The following TAF1 variants were observed in gnomAD, a reference collection of about 807,000 sequenced individuals.
TAF1 encodes TATA-box binding protein associated factor 1.
In TAF1, 2 loss-of-function variants were observed where a neutral mutation model predicts 138.5. The observed-to-expected ratio is 0.01, with a 90% CI of 0.01 to 0.05. The LOEUF is 0.05. TAF1 is among the 10% of genes least tolerant of loss of function. The pLI is 1.00. For synonymous variants in TAF1, 437 were observed against 503.2 expected, an observed-to-expected ratio of 0.87 and a Z score of 1.76; for missense variants, 709 against 1,478.0, an observed-to-expected ratio of 0.48 and a Z score of 8.53.
chrX:71,386,760 C>T (rs913718484), intron 14 of TAF1, among the ~76,000 whole-genome samples: 5 of 112,945 alleles, frequency 4.4e-5, no homozygotes, highest in South Asian at 7.1e-4. Flanking sequence ...TCACTGTGCC[C>T]GGCGTTGTTT....
At chrX:71,368,990 A>G (rs1157109183) in intron 3 of TAF1, 1 of 104,975 alleles carries the variant, frequency 9.5e-6, no homozygotes, top group Non-Finnish European at 2.0e-5. Context: ...AGCTGGGACT[A>G]CAGGGGCCCG....
chrX:71,436,002 C>CAGTCTAA (rs1387281373), intron 32 of TAF1, among the ~76,000 whole-genome samples: 3 of 103,079 alleles, frequency 2.9e-5, no homozygotes, highest in Non-Finnish European at 5.9e-5. Flanking sequence ...ATTTATGGAA[C>CAGTCTAA]AGTCTAACCT....
At chrX:71,432,024 C>A (rs1411973352) in intron 32 of TAF1, among the ~76,000 whole-genome samples, 1 of 110,710 alleles carries the variant, frequency 9.0e-6, no homozygotes, top group Non-Finnish European at 1.9e-5. Context: ...GGGAAAATTA[C>A]CAACAGGTCA....
At chrX:71,383,895 G>T (rs914729842) in intron 12 of TAF1, 67 bp from the exon 13 acceptor site, 1 of 1,091,688 alleles carries the variant, frequency 9.2e-7, no homozygotes, top group Non-Finnish European at 1.2e-6. Context: ...GTCTCAGATT[G>T]AACAACGTCA....
chrX:71,378,548 A>G, intron 7 of TAF1, 95 bp downstream of exon 7: 2 of 1,046,150 alleles, frequency 1.9e-6, no homozygotes, highest in Non-Finnish European at 2.6e-6. Context: ...ACTGGGTGGT[A>G]GGGTTTCTTT....
At chrX:71,397,028 CAAAAAAAAAA>C (rs745812030) in intron 22 of TAF1, among the ~76,000 whole-genome samples, 2 of 30,177 alleles carry the variant, frequency 6.6e-5, no homozygotes, top group Non-Finnish European at 1.3e-4. Context: ...GATCCTGTCT[CAAAAAAAAAA>C]AAAAAAAAAA....
intron 4 of TAF1, 37 bp from the exon 5 acceptor site, chrX:71,376,913 A>G: frequency 2.5e-6 from 3 of 1,204,139 alleles, no homozygotes; most frequent in Non-Finnish European, 3.4e-6. Context: ...ATATGTTCAC[A>G]GTTACATGCC....
rs768889408 is a variant in TAF1, at chrX:71,424,587, G to A, written c.4753+349G>A. 7.2e-5 allele frequency among the ~76,000 whole-genome samples: 8 copies of A among 110,700 alleles called. No homozygotes were observed. The South Asian group carries it at 1.1e-3, about 16-fold the overall frequency. ...TATGTGCGTAAAGCAACCTTGAGCA[G>A]TGATAGCAGAATCAATTGAGTGACC... is the stretch of plus-strand genomic sequence containing the variant. On this transcript the variant is annotated intron_variant, in intron 32 of 37. Coordinates refer to ENST00000423759, the MANE Select transcript of TAF1 (RefSeq NM_004606.5).
chrX:71,462,924 C>T lies in TAF1; in HGVS notation c.5400-900C>T, dbSNP rs187787215. Among the ~76,000 whole-genome samples the T allele has an allele frequency of 4.2e-3, 468 of 112,011 alleles. 2 individuals are homozygous for T. The highest frequency in any genetic ancestry group is 0.015 in the African/African-American group (449 of 30,904). ...AGGATGTTTTATGACAGCATTGTTT[C>T]TAATAGTGGAATAATTGGAGACAGC... On this transcript the variant is annotated intron_variant, in intron 37 of 37. Transcript: ENST00000423759.
chrX:71,452,070 T>C (rs1429703652), intron 32 of TAF1, among the ~76,000 whole-genome samples: 1 of 101,552 alleles, frequency 9.8e-6, no homozygotes, highest in East Asian at 3.3e-4. Flanking sequence ...GAGGCACCCC[T>C]CACCTCCCGG....
intron 18 of TAF1, 49 bp downstream of exon 18, chrX:71,389,714 C>G (rs2034448683): frequency 1.0e-5 from 10 of 990,704 alleles, no homozygotes; most frequent in Middle Eastern, 2.7e-4. Context: ...TCTCATTTAT[C>G]CTTTTAAAAG....
intron 18 of TAF1, 91 bp from the exon 19 acceptor site, chrX:71,392,478 A>G (rs1165079313): frequency 1.1e-5 from 11 of 1,019,456 alleles, no homozygotes; most frequent in Admixed American, 4.0e-5. Context: ...AGAACATGAA[A>G]ATAGTTTGTA....
In TAF1 at chrX:71,526,113, C is replaced by T. The variant is rs184824112; in HGVS notation, c.1367-2429C>T. Among the ~76,000 whole-genome samples the T allele has an allele frequency of 5.8e-3, 649 of 111,380 alleles. 6 individuals carry two copies. Among genetic ancestry groups the T allele is most frequent in the African/African-American group, 0.021 (631 of 30,763 alleles). On this transcript the variant is annotated intron_variant and NMD_transcript_variant, in intron 13 of 14. Transcript: ENST00000373775. The stretch of plus-strand genomic sequence containing the variant: ...GACTACATTAAAGAAAAATATAAAT[C>T]CATCTTCAATGCTTTTTCTTTTTTA...
intron 3 of TAF1, among the ~76,000 whole-genome samples, chrX:71,371,179 G>A (rs2148164367): frequency 8.9e-6 from 1 of 111,842 alleles, no homozygotes; most frequent in South Asian, 3.7e-4. Flanking sequence ...TCCTATAAAA[G>A]GAGGATGCTA....
chrX:71,515,794 A>G (rs2039813448), intron 13 of TAF1, among the ~76,000 whole-genome samples: 1 of 111,654 alleles, frequency 9.0e-6, no homozygotes, highest in African/African-American at 3.3e-5. Context: ...ACTTAGTCAA[A>G]CATGAATCTA....
rs139547801 is a variant in TAF1 at position 71,417,624 on chromosome X, A to G, written c.4385-3685A>G. ...AGCGATCTGTCCACCTCAGCATCCC[A>G]AAGTGCTGGGATTACAGGCGTGAGC... On this transcript the variant is annotated intron_variant, in intron 28 of 37. Transcript: ENST00000423759. 7.6e-3 allele frequency among the ~76,000 whole-genome samples: 843 copies of G among 111,192 alleles called. 8 individuals are homozygous for G. Among genetic ancestry groups the G allele is most frequent in the African/African-American group, 0.026 (805 of 30,576 alleles).
chrX:71,384,968 A>G lies in TAF1; in HGVS notation c.2145A>G (p.Ala715=). 8.3e-7 allele frequency: 1 copy of G among 1,209,965 alleles called. No homozygotes were observed. The highest frequency in any genetic ancestry group is 1.1e-6 in the Non-Finnish European group (1 of 894,388). ...YKRKPGKDPG[A]PDCKYGETVY... ...AGAAACCTGGAAAAGATCCTGGAGCACCAGATTGTAAATATGGGGAAACTG... is the reference window on the plus strand; with the variant it reads ...AGAAACCTGGAAAAGATCCTGGAGCGCCAGATTGTAAATATGGGGAAACTG... Residue 715 remains alanine, a synonymous_variant, in exon 14 of 38, where the codon GCA becomes GCG. Coordinates refer to ENST00000423759, the MANE Select transcript of TAF1 (RefSeq NM_004606.5).
intron 35 of TAF1, among the ~76,000 whole-genome samples, chrX:71,458,828 G>A (rs918818384): frequency 8.9e-6 from 1 of 111,951 alleles, no homozygotes. Context: ...ACTGGAAAGT[G>A]TAAAACCCAG....
At chrX:71,401,049 A>G (rs2035149408) in intron 24 of TAF1, among the ~76,000 whole-genome samples, 1 of 112,267 alleles carries the variant, frequency 8.9e-6, no homozygotes, top group African/African-American at 3.2e-5. Flanking sequence ...CTGCATATTT[A>G]ATATTTTCAT....
Sources: allele counts gnomAD v4.1 joint callset (sites outside exome capture counted in the v4.1 genomes callset), GRCh38; gene constraint gnomAD v4.1.1; transcripts MANE v1.5; gene names NCBI Gene and HGNC (gene_info 2026-07-23, HGNC 2026-07-21).